GRB10: variants seen among roughly 807,000 people sequenced by gnomAD.
GRB10 encodes the protein growth factor receptor-bound protein 10.
Under a neutral mutation model 80.9 loss-of-function variants are expected in GRB10, and 20 were observed. The ratio of observed to expected loss-of-function variants is 0.25; its 90% CI spans 0.17 to 0.36. GRB10 has a LOEUF of 0.36. GRB10 is among the 10% of genes least tolerant of loss of function. The pLI is 1.00. For synonymous variants in GRB10, 291 were observed against 291.5 expected (o/e 1.00, Z 0.02); for missense variants, 548 against 747.7 (o/e 0.73, Z 3.12).
chr7:50,597,988 C>T lies in GRB10; in HGVS notation c.1545-2458G>A, dbSNP rs777512230. Among the ~76,000 whole-genome samples, 71 of 152,110 alleles carry T rather than the reference C, an allele frequency of 4.7e-4. 2 individuals carry two copies. Among genetic ancestry groups the T allele is most frequent in the Middle Eastern group, 6.8e-3 (2 of 294 alleles). ...AAGCGATTCTCCCCTCTAAGCCTCCCAAGTAGCTGGGACTACAGGTGCCCG... is the reference window on the plus strand; with the variant it reads ...AAGCGATTCTCCCCTCTAAGCCTCCTAAGTAGCTGGGACTACAGGTGCCCG... On this transcript the variant is annotated intron_variant, in intron 17 of 18. Transcript: ENST00000401949.
chr7:50,664,696 C>T (rs1001051344), intron 7 of GRB10, among the ~76,000 whole-genome samples: 2 of 152,220 alleles, frequency 1.3e-5, no homozygotes, highest in African/African-American at 4.8e-5. Context: ...AGATCAAAGG[C>T]AGCCTCACCA....
At chr7:50,652,409 A>G (rs2058098185) in intron 7 of GRB10, among the ~76,000 whole-genome samples, 1 of 152,220 alleles carries the variant, frequency 6.6e-6, no homozygotes, top group Non-Finnish European at 1.5e-5. Flanking sequence ...TTCGGTTTCT[A>G]TAGAAGCAAC....
intron 7 of GRB10, among the ~76,000 whole-genome samples, chr7:50,632,364 C>T (rs1209486944): frequency 6.6e-6 from 1 of 152,140 alleles, no homozygotes; most frequent in East Asian, 1.9e-4. Flanking sequence ...AGTTCAGTGT[C>T]CCCCACCACA....
Position 50,733,806 on chromosome 7 carries a change from T to G in GRB10, c.-46-1438A>C, listed in dbSNP as rs182316002. Among the ~76,000 whole-genome samples, 4 of 152,324 alleles carry G rather than the reference T, an allele frequency of 2.6e-5. No homozygotes were observed. The South Asian group carries it at 8.3e-4, about 32-fold the overall frequency. On this transcript the variant is annotated intron_variant, in intron 3 of 18. Coordinates refer to ENST00000401949, the MANE Select transcript of GRB10 (RefSeq NM_001350814.2). ...TCAAACACCAGTCTGGCTATTGCCA[T>G]GAAGGTATTCTGTAGGTGTGGTTAA...
chr7:50,628,079 G>A (rs980333478), intron 7 of GRB10, among the ~76,000 whole-genome samples: 10 of 152,150 alleles, frequency 6.6e-5, no homozygotes, highest in African/African-American at 1.7e-4. Context: ...CACAACAACC[G>A]CAACAACACA....
At chr7:50,785,057 T>G (rs1231643160), upstream of GRB10, among the ~76,000 whole-genome samples, 2 of 152,204 alleles carry the variant, frequency 1.3e-5, no homozygotes, top group African/African-American at 2.4e-5. Context: ...AAAGATTTGG[T>G]GGATCACATG....
intron 5 of GRB10, among the ~76,000 whole-genome samples, chr7:50,685,488 GA>G (rs2062011384): frequency 6.6e-6 from 1 of 152,190 alleles, no homozygotes; most frequent in Admixed American, 6.5e-5. Flanking sequence ...GAGCCCGAAG[GA>G]GGGATCCCAA....
At chr7:50,774,207 T>C (rs1030003337) in intron 2 of GRB10, among the ~76,000 whole-genome samples, 3 of 151,874 alleles carry the variant, frequency 2.0e-5, no homozygotes, top group African/African-American at 7.3e-5. Flanking sequence ...GGGGGAGCAA[T>C]GGGATGGCAG....
intron 7 of GRB10, among the ~76,000 whole-genome samples, chr7:50,668,682 T>C (rs1284060876): frequency 9.2e-5 from 14 of 152,214 alleles, no homozygotes. Flanking sequence ...AAACATCAGA[T>C]GGCGCAGTTG....
intron 17 of GRB10, among the ~76,000 whole-genome samples, chr7:50,597,355 C>T (rs759628131): frequency 4.6e-5 from 7 of 152,222 alleles, no homozygotes; most frequent in East Asian, 1.9e-4. Flanking sequence ...CTGGGGAACA[C>T]GCGGCACCGC....
In GRB10 at chr7:50,676,348, G is replaced by C. The variant is rs1002377690; in HGVS notation, c.140-1690C>G. Among the ~76,000 whole-genome samples, 58 of 150,540 alleles carry C rather than the reference G, an allele frequency of 3.9e-4. 1 individual carries two copies. The highest frequency in any genetic ancestry group is 6.2e-4 in the Non-Finnish European group (42 of 67,740). On this transcript the variant is annotated intron_variant, in intron 5 of 18. Transcript: ENST00000401949. ...TGTCCACCCCACCGGGGGGGGGGGGGGGTTGTAAGGACTAGGTTAGTTATT... is the reference window on the plus strand; with the variant it reads ...TGTCCACCCCACCGGGGGGGGGGGGCGGTTGTAAGGACTAGGTTAGTTATT...
In GRB10 at chr7:50,679,568, G is replaced by A. The variant is rs564035195; in HGVS notation, c.140-4910C>T. On this transcript the variant is annotated intron_variant, in intron 5 of 18. Transcript: ENST00000401949. Reference sequence around the variant, plus strand: ...CATGTGTTTAGGACGTGTCCATTACGATCCCTTCTTCACAGACCTACACAA... The same window carrying A: ...CATGTGTTTAGGACGTGTCCATTACAATCCCTTCTTCACAGACCTACACAA... 2.2e-4 allele frequency among the ~76,000 whole-genome samples: 33 copies of A among 151,946 alleles called. No homozygotes were observed. The South Asian group carries it at 6.9e-3, about 32-fold the overall frequency.
intron 7 of GRB10, among the ~76,000 whole-genome samples, chr7:50,663,756 C>G (rs1354189020): frequency 1.3e-5 from 2 of 152,196 alleles, no homozygotes; most frequent in African/African-American, 4.8e-5. Context: ...AGATTCGGGC[C>G]ATCATCCCAG....
chr7:50,720,965 G>C (rs1213522324), intron 4 of GRB10, among the ~76,000 whole-genome samples: 1 of 150,496 alleles, frequency 6.6e-6, no homozygotes, highest in Admixed American at 6.7e-5. Context: ...GGAAATTGTC[G>C]CAATAAATAC....
intron 7 of GRB10, among the ~76,000 whole-genome samples, chr7:50,655,621 C>T (rs918186831): frequency 2.6e-5 from 4 of 152,198 alleles, no homozygotes; most frequent in Admixed American, 6.5e-5. Flanking sequence ...GCATCCCAAC[C>T]GGCTATCCCA....
rs940679835 is a variant in GRB10 at position 50,590,729 on chromosome 7, C to A, written c.*2223G>T. On this transcript the variant is annotated 3_prime_UTR_variant, in exon 19 of 19. Transcript: ENST00000401949. ...AATTCCCAGCCGCCCAGCGCGAGGC[C>A]AGCGAGCTGGGGCCTTAGGAAGTCT... 3 of 152,754 alleles carry A rather than the reference C, an allele frequency of 2.0e-5. No homozygotes were observed. Among genetic ancestry groups the A allele is most frequent in the Non-Finnish European group, 2.9e-5 (2 of 68,040 alleles). 9.5% of individuals were successfully genotyped at this position (152,754 alleles called of 1,614,324 possible). A position where few individuals can be genotyped will look rare whatever the true frequency, so the allele number is the denominator to read the frequency against.
chr7:50,737,281 G>A (rs1027466408), intron 3 of GRB10, among the ~76,000 whole-genome samples: 18 of 152,204 alleles, frequency 1.2e-4, no homozygotes, highest in Admixed American at 3.3e-4. Context: ...TTCTAACGGC[G>A]TAACACCATC....
chr7:50,684,238 C>T (rs2061852621), intron 5 of GRB10, among the ~76,000 whole-genome samples: 1 of 115,380 alleles, frequency 8.7e-6, no homozygotes, highest in African/African-American at 3.2e-5. Context: ...GATAGCCTGG[C>T]GGCCAGACAA....
At chr7:50,748,855 T>C (rs1024191711) in intron 3 of GRB10, among the ~76,000 whole-genome samples, 3 of 152,152 alleles carry the variant, frequency 2.0e-5, no homozygotes, top group Admixed American at 2.0e-4. Flanking sequence ...CAAAATGTAA[T>C]TTCTCTAATC....
Sources: gnomAD v4.1 joint callset for allele counts (sites outside exome capture counted in the v4.1 genomes callset) on GRCh38, gnomAD v4.1.1 for gene constraint, MANE v1.5 for transcripts, NCBI Gene and HGNC (gene_info 2026-07-23, HGNC 2026-07-21) for gene names.